Variants in DSCAML1 observed in about 807,000 individuals in gnomAD.
DSCAML1 encodes the protein cell adhesion molecule DSCAML1.
DSCAML1 carries 38 observed loss-of-function variants against 200.5 expected under a neutral mutation model. The observed-to-expected ratio is 0.19, with a 90% confidence interval of 0.15 to 0.25. DSCAML1 has a LOEUF of 0.25. Among genes scored for constraint, DSCAML1 ranks in the 10% least tolerant of loss-of-function variants. The pLI, the probability that DSCAML1 is intolerant of heterozygous loss-of-function variation, is 1.00. For synonymous variants in DSCAML1, 1,215 were observed against 1,165.0 expected (o/e 1.04, Z -0.87); for missense variants, 2,223 against 2,858.8 (o/e 0.78, Z 5.07).
chr11:117,518,908 G>T lies in DSCAML1; in HGVS notation c.1214-146C>A. ...GTGTACATCAATTCTTCTGCTATCCGCAACCCCAAGTGGTGCCAGTTACTG... is the reference window on the plus strand; with the variant it reads ...GTGTACATCAATTCTTCTGCTATCCTCAACCCCAAGTGGTGCCAGTTACTG... On this transcript the variant is annotated intron_variant, in intron 6 of 32. Transcript: ENST00000651296. This position sits in a 1 kb window ranked among gnomAD's most constrained non-coding sequence, Gnocchi z 6.3. 1.1e-6 allele frequency: 1 copy of T among 888,062 alleles called. No individual in the cohort carries two copies. The highest frequency in any genetic ancestry group is 1.7e-6 in the Non-Finnish European group (1 of 599,044). The allele number at this position is 888,062 out of a possible 1,614,324, so 55.0% of individuals were successfully genotyped here.
chr11:117,432,691 C>T (rs776824201), intron 29 of DSCAML1, among the ~76,000 whole-genome samples, 187 bp from the exon 30 acceptor site: 11 of 151,950 alleles, frequency 7.2e-5, no homozygotes, highest in African/African-American at 9.7e-5. Context: ...TCACTGCAGC[C>T]GCCTCAATCT....
At chr11:117,692,255 A>T (rs1278514152) in intron 3 of DSCAML1, among the ~76,000 whole-genome samples, 1 of 151,946 alleles carries the variant, frequency 6.6e-6, no homozygotes, top group Admixed American at 6.6e-5. Context: ...TCTTTGCTAA[A>T]TCAGCCCCTT....
chr11:117,618,525 C>T (rs2051858779), intron 3 of DSCAML1, among the ~76,000 whole-genome samples: 1 of 152,166 alleles, frequency 6.6e-6, no homozygotes, highest in African/African-American at 2.4e-5. Context: ...TGCCCACTTC[C>T]TATAACCTTT....
chr11:117,788,092 C>T (rs1194524219), intron 1 of DSCAML1, among the ~76,000 whole-genome samples: 1 of 152,150 alleles, frequency 6.6e-6, no homozygotes, highest in Non-Finnish European at 1.5e-5. Flanking sequence ...CTGTCTGAGC[C>T]CAGACACTGG....
At position 117,487,011 on chromosome 11, in the gene DSCAML1, G is replaced by A. The variant is rs189396693; in HGVS notation, c.2360-4849C>T. ...ACAATTTTGGCTCACTGCAACCTCC[G>A]CCTCCTGGATTCAAGTGATTCTCCT... On this transcript the variant is annotated intron_variant, in intron 11 of 32. Transcript: ENST00000651296. Among the ~76,000 whole-genome samples, 228 of 126,704 alleles carry A rather than the reference G, an allele frequency of 1.8e-3. 1 individual carries two copies. The highest frequency in any genetic ancestry group is 6.3e-3 in the African/African-American group (210 of 33,276). The allele number at this position is 126,704 out of a possible 152,430, so 83.1% of individuals were successfully genotyped here.
chr11:117,718,673 C>T (rs1013727575), intron 3 of DSCAML1, among the ~76,000 whole-genome samples: 2 of 59,666 alleles, frequency 3.4e-5, no homozygotes, highest in African/African-American at 1.2e-4. Flanking sequence ...TCAAAACCCC[C>T]CCCCCCCCCC....
At chr11:117,622,742 G>C (rs1023986710) in intron 3 of DSCAML1, among the ~76,000 whole-genome samples, 5 of 152,166 alleles carry the variant, frequency 3.3e-5, no homozygotes, top group Non-Finnish European at 7.3e-5. Flanking sequence ...TCAAGTTCAA[G>C]TTCATCTCAA....
In DSCAML1 at chr11:117,438,030, T is replaced by G. The variant is rs1379116967; in HGVS notation, c.4297A>C (p.Ile1433Leu). Residue 1433 changes from isoleucine to leucine, a missense_variant, in exon 25 of 33, where the codon ATC (isoleucine) becomes CTC (leucine). This residue lies in a region of DSCAML1 where 614 missense variants were observed against 739.1 expected (regional missense o/e 0.83). Coordinates refer to ENST00000651296, the MANE Select transcript of DSCAML1 (RefSeq NM_020693.4). Reference sequence around the variant, plus strand: ...TTGAAGGAGCGCTCGCTGGAGCTGATGAACACATCCTTCCACTCCTCGCTG... The same window carrying G: ...TTGAAGGAGCGCTCGCTGGAGCTGAGGAACACATCCTTCCACTCCTCGCTG... ...DNSEEWKDVF[I>L]SSSERSFKLD... The G allele has an allele frequency of 6.2e-7, 1 of 1,613,974 alleles. No individual in the cohort carries two copies. The highest frequency in any genetic ancestry group is 1.3e-5 in the African/African-American group (1 of 74,928).
At chr11:117,521,596 TGGCA>T (rs2049888595) in intron 5 of DSCAML1, among the ~76,000 whole-genome samples, 191 bp from the exon 6 acceptor site, 1 of 152,086 alleles carries the variant, frequency 6.6e-6, no homozygotes, top group South Asian at 2.1e-4. Flanking sequence ...ATTTGTGAAA[TGGCA>T]GGCTCAGACT....
chr11:117,730,694 C>T (rs951142936), intron 3 of DSCAML1, among the ~76,000 whole-genome samples: 1 of 152,144 alleles, frequency 6.6e-6, no homozygotes, highest in Non-Finnish European at 1.5e-5. Flanking sequence ...CCAGCAATTC[C>T]CCTCGCAGGT....
intron 3 of DSCAML1, among the ~76,000 whole-genome samples, chr11:117,536,936 A>G (rs918612385): frequency 5.3e-5 from 8 of 152,142 alleles, no homozygotes; most frequent in African/African-American, 1.9e-4. Flanking sequence ...TAGGCCAATG[A>G]CTTTACGTAC....
chr11:117,518,583 T>C lies in DSCAML1; in HGVS notation c.1393A>G (p.Thr465Ala). ...RTNQYTMSDG[T>A]TISHMNVTGP... The stretch of plus-strand genomic sequence containing the variant: ...GTGACGTTCATGTGGCTGATGGTGG[T>C]GCCGTCCGACATGGTGTACTGGTTG... Residue 465 changes from threonine to alanine, a missense_variant, in exon 7 of 33, where the codon ACC becomes GCC. Thr to Ala is a moderately conservative substitution (Grantham distance 58, BLOSUM62 0). This residue lies in a region of DSCAML1 where 579 missense variants were observed against 721.5 expected (regional missense o/e 0.80). Coordinates refer to ENST00000651296, the MANE Select transcript of DSCAML1 (RefSeq NM_020693.4). The surrounding 1 kb of genome is among the most constrained non-coding windows in gnomAD (Gnocchi z 6.3). The C allele has an allele frequency of 6.2e-7, 1 of 1,614,098 alleles. No homozygotes were observed. The highest frequency in any genetic ancestry group is 8.5e-7 in the Non-Finnish European group (1 of 1,180,018).
chr11:117,699,680 G>T (rs12273147), intron 3 of DSCAML1, among the ~76,000 whole-genome samples: 6 of 152,026 alleles, frequency 3.9e-5, no homozygotes, highest in African/African-American at 1.5e-4. Flanking sequence ...GGCCATCCCC[G>T]CCCAGTACCC....
At chr11:117,742,090 G>T (rs1388552081) in intron 3 of DSCAML1, among the ~76,000 whole-genome samples, 1 of 152,146 alleles carries the variant, frequency 6.6e-6, no homozygotes. Context: ...ATTGCTAGAT[G>T]ACAGATGGCA....
rs954494413 is a variant in DSCAML1 at position 117,428,112 on chromosome 11, C to T, written c.*216G>A. The T allele has an allele frequency of 2.0e-6, 1 of 496,022 alleles. No homozygotes were observed. 30.7% of individuals were successfully genotyped at this position (496,022 alleles called of 1,614,324 possible). A position where few individuals can be genotyped will look rare whatever the true frequency, so the allele number is the denominator to read the frequency against. ...GGGTGGGGGATTTGACTTGTACTGT[C>T]AAATTCTTTGTGCCCTGGCTTCATG... On this transcript the variant is annotated 3_prime_UTR_variant, in exon 33 of 33. Transcript: ENST00000651296.
chr11:117,530,380 T>C (rs2050054746), intron 4 of DSCAML1, among the ~76,000 whole-genome samples: 1 of 152,110 alleles, frequency 6.6e-6, no homozygotes, highest in South Asian at 2.1e-4. Context: ...CATTGCAGGA[T>C]AAGCATGCAA....
intron 8 of DSCAML1, among the ~76,000 whole-genome samples, chr11:117,514,572 CTTTTTTTTTTTTTTT>C (rs532136039): frequency 4.1e-5 from 4 of 98,262 alleles, no homozygotes; most frequent in East Asian, 4.0e-4. Flanking sequence ...TTTTCTTTTT[CTTTTTTTTTTTTTTT>C]TTTTTTTTTT....
rs140591199 is a variant in DSCAML1 at position 117,432,713 on chromosome 11, G to A, written c.5027-209C>T. 4.6e-3 allele frequency among the ~76,000 whole-genome samples: 702 copies of A among 151,482 alleles called. 9 individuals are homozygous for A. The highest frequency in any genetic ancestry group is 0.016 in the African/African-American group (673 of 41,262). On this transcript the variant is annotated intron_variant, in intron 29 of 32. Transcript: ENST00000651296. Reference sequence around the variant, plus strand: ...AGCCGCCTCAATCTCCTGGGCTCAAGCTATCCTCCTACCTCAACCTTCTGA... The same window carrying A: ...AGCCGCCTCAATCTCCTGGGCTCAAACTATCCTCCTACCTCAACCTTCTGA...
At chr11:117,478,253 C>T (rs758135438) in intron 14 of DSCAML1, among the ~76,000 whole-genome samples, 27 of 151,874 alleles carry the variant, frequency 1.8e-4, no homozygotes, top group Non-Finnish European at 1.3e-4. Context: ...GGAGGAGGAA[C>T]GGGGGGAGGG....
Sources: allele counts gnomAD v4.1 joint callset (sites outside exome capture counted in the v4.1 genomes callset), GRCh38; gene constraint gnomAD v4.1.1; regional missense constraint gnomAD v4.1.1; non-coding constraint Gnocchi (gnomAD v3.1); transcripts MANE v1.5; gene names NCBI Gene and HGNC (gene_info 2026-07-23, HGNC 2026-07-21).